GRM5: variants seen among roughly 807,000 people sequenced by gnomAD.
GRM5 encodes the protein metabotropic glutamate receptor 5.
GRM5 carries 19 observed loss-of-function variants against 83.1 expected under a neutral mutation model. The ratio of observed to expected loss-of-function variants is 0.23; its 90% CI spans 0.16 to 0.34. The LOEUF is 0.34. GRM5 is among the 10% of genes least tolerant of loss of function. The pLI, the probability that GRM5 is intolerant of heterozygous loss-of-function variation, is 1.00. For missense variants in GRM5, 1,160 were observed against 1,588.3 expected, an observed-to-expected ratio of 0.73 and a Z score of 4.58; for synonymous variants, 675 against 633.6, an observed-to-expected ratio of 1.07 and a Z score of -0.98.
At chr11:88,617,695 C>T in intron 4 of GRM5, among the ~76,000 whole-genome samples, 1 of 152,194 alleles carries the variant, frequency 6.6e-6, no homozygotes, top group Non-Finnish European at 1.5e-5. Flanking sequence ...AAACCCTTCT[C>T]TGTGACCAAA....
intron 2 of GRM5, among the ~76,000 whole-genome samples, chr11:88,995,076 G>A (rs558284359): frequency 1.3e-5 from 2 of 152,248 alleles, no homozygotes; most frequent in South Asian, 4.1e-4. Flanking sequence ...GTGAGCATGA[G>A]CCTGGTTAGA....
intron 4 of GRM5, among the ~76,000 whole-genome samples, chr11:88,631,355 T>C (rs1338069039): frequency 6.6e-6 from 1 of 152,198 alleles, no homozygotes; most frequent in East Asian, 1.9e-4. Context: ...TAAATCATCA[T>C]TCCTAGCCTA....
chr11:88,627,167 C>T (rs1347513153), intron 4 of GRM5, among the ~76,000 whole-genome samples: 1 of 152,150 alleles, frequency 6.6e-6, no homozygotes, highest in African/African-American at 2.4e-5. Flanking sequence ...GCAATTTGTC[C>T]AGTGTCATAG....
At chr11:88,696,900 T>C (rs541172932) in intron 3 of GRM5, among the ~76,000 whole-genome samples, 4 of 152,208 alleles carry the variant, frequency 2.6e-5, no homozygotes, top group Non-Finnish European at 5.9e-5. Flanking sequence ...GTCAAATGAT[T>C]GTGAGATTTT....
rs115881287 is a variant in GRM5, at chr11:88,540,520, C to T, written c.2631-15116G>A. Among the ~76,000 whole-genome samples the T allele has an allele frequency of 8.2e-3, 1,253 of 152,002 alleles. 14 individuals are homozygous for T. Among genetic ancestry groups the T allele is most frequent in the African/African-American group, 0.029 (1,192 of 41,438 alleles). On this transcript the variant is annotated intron_variant, in intron 8 of 9. Coordinates refer to ENST00000305447, the MANE Select transcript of GRM5 (RefSeq NM_001143831.3). ...TACTTTTGATAGATGCAGCTGCCCA[C>T]GAGTGGGAATGACACCCAGGGAGAG...
intron 2 of GRM5, among the ~76,000 whole-genome samples, chr11:89,006,579 A>G (rs898998779): frequency 5.3e-5 from 8 of 152,180 alleles, no homozygotes; most frequent in Non-Finnish European, 1.2e-4. Context: ...CTAACAGATC[A>G]TTCATGATTT....
At chr11:88,957,463 C>G (rs1342045687) in intron 2 of GRM5, among the ~76,000 whole-genome samples, 1 of 152,100 alleles carries the variant, frequency 6.6e-6, no homozygotes, top group Non-Finnish European at 1.5e-5. Flanking sequence ...AGTTCCAGGA[C>G]ATAGATGACA....
intron 2 of GRM5, among the ~76,000 whole-genome samples, chr11:88,971,608 G>A (rs755951398): frequency 1.9e-4 from 29 of 152,186 alleles, no homozygotes; most frequent in Middle Eastern, 3.4e-3. Flanking sequence ...TGAAGGGCAC[G>A]ATCATTTTAT....
chr11:88,858,703 CA>C (rs1944513885), intron 2 of GRM5, among the ~76,000 whole-genome samples: 1 of 151,998 alleles, frequency 6.6e-6, no homozygotes, highest in South Asian at 2.1e-4. Flanking sequence ...CTCCCTCCAG[CA>C]ACTCTAGTTC....
intron 2 of GRM5, among the ~76,000 whole-genome samples, chr11:88,933,704 A>G (rs565164360): frequency 6.0e-4 from 91 of 152,004 alleles, no homozygotes; most frequent in African/African-American, 2.1e-3. Flanking sequence ...CTGCTGCTCT[A>G]GATTCAAATC....
intron 3 of GRM5, among the ~76,000 whole-genome samples, chr11:88,661,788 G>C (rs1939912766): frequency 6.6e-6 from 1 of 151,768 alleles, no homozygotes; most frequent in Admixed American, 6.6e-5. Context: ...CAAACTCCTG[G>C]GCTCAGCCTC....
chr11:88,836,053 A>C (rs2135525188), intron 3 of GRM5, among the ~76,000 whole-genome samples: 1 of 152,328 alleles, frequency 6.6e-6, no homozygotes, highest in East Asian at 1.9e-4. Flanking sequence ...TTGAAAAAAA[A>C]AGTGGAGTTT....
chr11:88,831,759 T>A (rs1245217904), intron 3 of GRM5, among the ~76,000 whole-genome samples: 1 of 152,120 alleles, frequency 6.6e-6, no homozygotes, highest in Non-Finnish European at 1.5e-5. Context: ...TTGGACTGCT[T>A]GGGATCCAAA....
At position 88,531,686 on chromosome 11, in the gene GRM5, G is replaced by C. The variant is rs146789362; in HGVS notation, c.2631-6282C>G. ...AAGTTTCCTAGAGAGTTCAAGAATG[G>C]AGGGGAAAAAACACAAACACAGCAA... On this transcript the variant is annotated intron_variant, in intron 8 of 9. Coordinates refer to ENST00000305447, the MANE Select transcript of GRM5 (RefSeq NM_001143831.3). Among the ~76,000 whole-genome samples the C allele has an allele frequency of 5.1e-3, 773 of 152,242 alleles. 7 individuals are homozygous for C. Among genetic ancestry groups the C allele is most frequent in the African/African-American group, 0.017 (712 of 41,558 alleles).
At chr11:88,589,568 G>A (rs1297076655) in intron 7 of GRM5, among the ~76,000 whole-genome samples, 1 of 152,144 alleles carries the variant, frequency 6.6e-6, no homozygotes, top group Non-Finnish European at 1.5e-5. Flanking sequence ...CATCCTGGGA[G>A]GGATGGAGTC....
chr11:88,913,032 T>G (rs1945526014), intron 2 of GRM5, among the ~76,000 whole-genome samples: 1 of 152,240 alleles, frequency 6.6e-6, no homozygotes, highest in Admixed American at 6.5e-5. Flanking sequence ...CTCCCTGATT[T>G]TTATTTTGCA....
intron 2 of GRM5, among the ~76,000 whole-genome samples, chr11:88,967,457 T>A (rs1939023553): frequency 6.6e-6 from 1 of 151,822 alleles, no homozygotes; most frequent in Non-Finnish European, 1.5e-5. Context: ...TCTGAAGCTA[T>A]GGGGCCTACA....
At chr11:89,006,055 C>T (rs1940514832) in intron 2 of GRM5, among the ~76,000 whole-genome samples, 1 of 151,976 alleles carries the variant, frequency 6.6e-6, no homozygotes, top group African/African-American at 2.4e-5. Context: ...ACAATGGAAG[C>T]GTATTTCAAG....
At chr11:88,601,040 G>T (rs1278867743) in intron 5 of GRM5, among the ~76,000 whole-genome samples, 19 of 151,980 alleles carry the variant, frequency 1.3e-4, no homozygotes. Context: ...TATACTATAT[G>T]TTAATACATT....
Sources: gnomAD v4.1 joint callset for allele counts (sites outside exome capture counted in the v4.1 genomes callset) on GRCh38, gnomAD v4.1.1 for gene constraint, MANE v1.5 for transcripts, NCBI Gene and HGNC (gene_info 2026-07-23, HGNC 2026-07-21) for gene names.